MICAL2: variants seen among roughly 807,000 people sequenced by gnomAD.
MICAL2 encodes the protein [F-actin]-monooxygenase MICAL2.
MICAL2 carries 77 observed loss-of-function variants against 127.3 expected under a neutral mutation model. The observed-to-expected ratio is 0.60, with a 90% CI of 0.50 to 0.73. The LOEUF (loss-of-function observed/expected upper bound fraction) is 0.73. MICAL2 is among the 30% of genes least tolerant of loss of function. MICAL2 has a pLI of 0.00. For missense variants in MICAL2, 1,351 were observed against 1,434.4 expected (o/e 0.94, Z 0.94); for synonymous variants, 570 against 551.1 (o/e 1.03, Z -0.48).
intron 32 of MICAL2, chr11:12,349,783 G>T (rs1939016633): frequency 1.3e-6 from 2 of 1,563,584 alleles, no homozygotes; most frequent in South Asian, 1.1e-5. Context: ...AAAGCAGTTT[G>T]ATCATGGGGA....
chr11:12,193,345 A>G (rs2134038796), intron 3 of MICAL2, among the ~76,000 whole-genome samples: 1 of 152,302 alleles, frequency 6.6e-6, no homozygotes, highest in East Asian at 1.9e-4. Flanking sequence ...CAACTCAGAT[A>G]AGTAATCTCT....
intron 8 of MICAL2, among the ~76,000 whole-genome samples, chr11:12,218,365 C>T (rs2134243657): frequency 6.6e-6 from 1 of 152,280 alleles, no homozygotes; most frequent in South Asian, 2.1e-4. Flanking sequence ...CTTCCATCCC[C>T]CCACTCATCT....
At chr11:12,282,253 A>C (rs141230936) in intron 2 of MICAL2, among the ~76,000 whole-genome samples, 15 of 152,144 alleles carry the variant, frequency 9.9e-5, no homozygotes, top group African/African-American at 2.9e-4. Flanking sequence ...GTTAAGTACC[A>C]TTTGTGGGGC....
chr11:12,118,962 T>C (rs1375794402), intron 1 of MICAL2, among the ~76,000 whole-genome samples: 1 of 152,202 alleles, frequency 6.6e-6, no homozygotes, highest in Admixed American at 6.5e-5. Context: ...GAAAATCCTC[T>C]AGGTGGGTTC....
chr11:12,334,622 A>C (rs1938715137), intron 32 of MICAL2, among the ~76,000 whole-genome samples: 2 of 71,514 alleles, frequency 2.8e-5, no homozygotes, highest in Admixed American at 4.1e-4. Flanking sequence ...CCCCCACAAC[A>C]GTCCCCGGTG....
intron 15 of MICAL2, among the ~76,000 whole-genome samples, chr11:12,229,607 C>T (rs1437172675): frequency 6.6e-6 from 1 of 152,238 alleles, no homozygotes; most frequent in African/African-American, 2.4e-5. Context: ...GATGTTTCCA[C>T]CTTTCACTCA....
chr11:12,248,328 A>G (rs1432915466), intron 21 of MICAL2, among the ~76,000 whole-genome samples: 1 of 152,068 alleles, frequency 6.6e-6, no homozygotes, highest in Admixed American at 6.6e-5. Flanking sequence ...GCCCAGTTTT[A>G]TGTCCCCAGA....
At chr11:12,220,131 C>T in intron 8 of MICAL2, 70 bp from the exon 9 acceptor site, 1 of 1,583,224 alleles carries the variant, frequency 6.3e-7, no homozygotes, top group South Asian at 1.1e-5. Flanking sequence ...AGTCCTTTTG[C>T]CAAGAGGTGG....
At chr11:12,183,459 C>T (rs1008918503) in intron 3 of MICAL2, among the ~76,000 whole-genome samples, 2 of 152,196 alleles carry the variant, frequency 1.3e-5, no homozygotes, top group Non-Finnish European at 2.9e-5. Context: ...TGCTCCAGCT[C>T]AGAGCCCAGA....
chr11:12,294,802 T>G (rs539220118), downstream of MICAL2: 7 of 1,388,110 alleles, frequency 5.0e-6, no homozygotes, highest in South Asian at 1.1e-4. Flanking sequence ...AGGCAGCTCC[T>G]CCTCCTCCTC....
At chr11:12,322,892 C>A (rs1864315104) in intron 30 of MICAL2, among the ~76,000 whole-genome samples, 1 of 152,088 alleles carries the variant, frequency 6.6e-6, no homozygotes, top group South Asian at 2.1e-4. Flanking sequence ...AAAGGCTTAG[C>A]CTTATTATTT....
intron 3 of MICAL2, among the ~76,000 whole-genome samples, chr11:12,166,899 G>A (rs1415618487): frequency 2.0e-5 from 3 of 152,140 alleles, no homozygotes; most frequent in Non-Finnish European, 4.4e-5. Context: ...TAAAGGGAGT[G>A]CATATATTCT....
intron 24 of MICAL2, among the ~76,000 whole-genome samples, chr11:12,270,029 A>G (rs1863657239): frequency 6.6e-6 from 1 of 152,208 alleles, no homozygotes; most frequent in Non-Finnish European, 1.5e-5. Flanking sequence ...CAGCCAGCCC[A>G]TCTTGGTACC....
At chr11:12,279,068 C>T (rs1412847685) in intron 1 of MICAL2, among the ~76,000 whole-genome samples, 1 of 152,124 alleles carries the variant, frequency 6.6e-6, no homozygotes, top group African/African-American at 2.4e-5. Context: ...CAGAAGAGAG[C>T]TCTGGGGCAT....
chr11:12,335,793 G>C (rs1938743907), intron 32 of MICAL2, among the ~76,000 whole-genome samples: 1 of 152,122 alleles, frequency 6.6e-6, no homozygotes, highest in South Asian at 2.1e-4. Flanking sequence ...TGAGAGCTCT[G>C]TTCTGTTCCA....
intron 1 of MICAL2, among the ~76,000 whole-genome samples, chr11:12,125,372 A>G (rs1850832275): frequency 6.6e-6 from 1 of 151,528 alleles, no homozygotes; most frequent in African/African-American, 2.4e-5. Context: ...TCCTGCCTCG[A>G]CCTCCCGAGT....
At chr11:12,139,179 T>C (rs1044440751) in intron 2 of MICAL2, among the ~76,000 whole-genome samples, 2 of 152,314 alleles carry the variant, frequency 1.3e-5, no homozygotes, top group African/African-American at 4.8e-5. Context: ...ACGCAGGCCC[T>C]GGACTTCCTG....
At chr11:12,131,031 C>T (rs1467182376) in intron 1 of MICAL2, among the ~76,000 whole-genome samples, 1 of 99,264 alleles carries the variant, frequency 1.0e-5, no homozygotes, top group African/African-American at 2.8e-5. Context: ...CGGTGGCTCA[C>T]GCCTGTAATC....
At chr11:12,353,549 C>G (rs560804673) in intron 33 of MICAL2, among the ~76,000 whole-genome samples, 1 of 152,342 alleles carries the variant, frequency 6.6e-6, no homozygotes, top group East Asian at 1.9e-4. Context: ...GTCCTCCTTT[C>G]TTCTGAGAAC....
Sources: gnomAD v4.1 joint callset for allele counts (sites outside exome capture counted in the v4.1 genomes callset) on GRCh38, gnomAD v4.1.1 for gene constraint, MANE v1.5 for transcripts, NCBI Gene and HGNC (gene_info 2026-07-23, HGNC 2026-07-21) for gene names.